Variants in MGAT5 observed in about 807,000 individuals in gnomAD.
The protein encoded by MGAT5 is alpha-1,6-mannosylglycoprotein 6-beta-N-acetylglucosaminyltransferase.
A neutral mutation model predicts 94.3 loss-of-function variants in MGAT5; 30 were observed. The observed-to-expected ratio is 0.32, with a 90% CI of 0.24 to 0.43. The LOEUF (loss-of-function observed/expected upper bound fraction) is 0.43, where lower values mean the gene tolerates loss of function less well. Ranked by LOEUF, MGAT5 falls within the 20% of genes least tolerant of loss-of-function variation. The probability of loss-of-function intolerance (pLI) is 1.00; values close to 1 mark genes in which losing one functional copy is unlikely to be tolerated. For synonymous variants in MGAT5, 310 were observed against 322.9 expected, an observed-to-expected ratio of 0.96 and a Z score of 0.43; for missense variants, 691 against 905.5, an observed-to-expected ratio of 0.76 and a Z score of 3.04.
At chr2:134,241,308 G>C (rs1348937900) in intron 1 of MGAT5, among the ~76,000 whole-genome samples, 1 of 152,208 alleles carries the variant, frequency 6.6e-6, no homozygotes, top group African/African-American at 2.4e-5. Flanking sequence ...TGGGAAATGG[G>C]GTGAACATTC....
chr2:134,141,716 T>G (rs781073870), intron 1 of MGAT5, among the ~76,000 whole-genome samples: 1 of 151,906 alleles, frequency 6.6e-6, no homozygotes, highest in Non-Finnish European at 1.5e-5. Flanking sequence ...TATGCGGAAT[T>G]TGGAAGAATG....
At chr2:134,349,169 G>C (rs1193906382) in intron 8 of MGAT5, among the ~76,000 whole-genome samples, 2 of 152,166 alleles carry the variant, frequency 1.3e-5, no homozygotes, top group Admixed American at 1.3e-4. Context: ...CGGTAGACCA[G>C]ATTTGGCCCT....
intron 10 of MGAT5, among the ~76,000 whole-genome samples, chr2:134,363,230 T>G (rs1297417435): frequency 6.6e-6 from 1 of 152,222 alleles, no homozygotes; most frequent in Non-Finnish European, 1.5e-5. Context: ...GATCACAGAC[T>G]GTGGTCTCAT....
intron 2 of MGAT5, among the ~76,000 whole-genome samples, chr2:134,304,746 C>A (rs1335974474): frequency 6.6e-6 from 1 of 152,110 alleles, no homozygotes; most frequent in Admixed American, 6.6e-5. Context: ...GTAAGATAGC[C>A]TGATTTTTTG....
chr2:134,402,914 T>A (rs1408622149), intron 10 of MGAT5, 74 bp from the exon 11 acceptor site: 2 of 1,436,146 alleles, frequency 1.4e-6, no homozygotes, highest in African/African-American at 1.4e-5. Context: ...GTCTTAGAAG[T>A]TCTAGTCCAT....
intron 4 of MGAT5, among the ~76,000 whole-genome samples, chr2:134,320,324 T>C (rs1327375503): frequency 6.6e-6 from 1 of 152,174 alleles, no homozygotes; most frequent in East Asian, 1.9e-4. Context: ...TCCCTAAATC[T>C]GAGCATCATT....
At chr2:134,265,308 C>G (rs1053778415) in intron 1 of MGAT5, among the ~76,000 whole-genome samples, 1 of 152,204 alleles carries the variant, frequency 6.6e-6, no homozygotes, top group Admixed American at 6.5e-5. Flanking sequence ...CTCCTTTTTA[C>G]TGAGATCCCA....
rs978291660 is a variant in MGAT5, at chr2:134,268,161, T to C, written c.242-2225T>C. ...AGAATTACCCGGCCCAAAGTGTCAG[T>C]AGTGCCGAGGTTGAGAAATCCTGAG... On this transcript the variant is annotated intron_variant, in intron 1 of 15. Coordinates refer to ENST00000281923, the MANE Select transcript of MGAT5 (RefSeq NM_002410.5). The surrounding 1 kb of genome is among the most constrained non-coding windows in gnomAD (Gnocchi z 4.1). Among the ~76,000 whole-genome samples, 1 of 152,294 alleles carries C rather than the reference T, an allele frequency of 6.6e-6. No homozygotes were observed. The highest frequency in any genetic ancestry group is 2.4e-5 in the African/African-American group (1 of 41,568).
intron 4 of MGAT5, among the ~76,000 whole-genome samples, chr2:134,335,548 C>G (rs1258011580): frequency 1.3e-5 from 2 of 152,042 alleles, no homozygotes; most frequent in South Asian, 2.1e-4. Context: ...AATTTCTAAA[C>G]CTTATTCATT....
At chr2:134,447,042 T>C (rs967282966) in intron 15 of MGAT5, among the ~76,000 whole-genome samples, 4 of 152,138 alleles carry the variant, frequency 2.6e-5, no homozygotes, top group African/African-American at 7.2e-5. Context: ...GGAGAGAAAA[T>C]GATGCTTTAC....
chr2:134,352,154 A>C (rs569146269), intron 9 of MGAT5, among the ~76,000 whole-genome samples: 294 of 152,294 alleles, frequency 1.9e-3, no homozygotes, highest in African/African-American at 6.6e-3. Context: ...AGGATCTAGC[A>C]AAACCGCCTC....
intron 1 of MGAT5, among the ~76,000 whole-genome samples, chr2:134,157,762 AGACAGT>A (rs1169179188): frequency 2.4e-4 from 37 of 151,912 alleles, no homozygotes; most frequent in South Asian, 1.5e-3. Flanking sequence ...GGGTGATGGG[AGACAGT>A]GACAGATCAT....
intron 1 of MGAT5, among the ~76,000 whole-genome samples, chr2:134,123,313 C>G (rs1249979798): frequency 6.6e-6 from 1 of 152,162 alleles, no homozygotes; most frequent in Non-Finnish European, 1.5e-5. Flanking sequence ...TTCCATGTGT[C>G]TCAGGATCTA....
At chr2:134,207,576 T>TA (rs200009308) in intron 1 of MGAT5, among the ~76,000 whole-genome samples, 46,943 of 142,370 alleles carry the variant, frequency 0.33, 8,318 homozygotes, top group African/African-American at 0.51. Flanking sequence ...ACTGAAAGGT[T>TA]AAAAAAAAAA....
At position 134,451,215 on chromosome 2, in the gene MGAT5, A is replaced by G. The variant is rs1437905154; in HGVS notation, c.*2368A>G. ...CTGTCCCTAAGTTCAAGGCCTCCCTACCTTCCCCTTCTTTTCCAAGTCACA... is the reference window on the plus strand; with the variant it reads ...CTGTCCCTAAGTTCAAGGCCTCCCTGCCTTCCCCTTCTTTTCCAAGTCACA... On this transcript the variant is annotated 3_prime_UTR_variant, in exon 16 of 16. Coordinates refer to ENST00000281923, the MANE Select transcript of MGAT5 (RefSeq NM_002410.5). 6.6e-6 allele frequency: 1 copy of G among 152,136 alleles called. No individual in the cohort carries two copies. The highest frequency in any genetic ancestry group is 2.4e-5 in the African/African-American group (1 of 41,404). The allele number at this position is 152,136 out of a possible 1,614,324, so 9.4% of individuals were successfully genotyped here.
At chr2:134,218,371 A>G (rs1456489121) in intron 1 of MGAT5, among the ~76,000 whole-genome samples, 2 of 152,186 alleles carry the variant, frequency 1.3e-5, no homozygotes, top group Non-Finnish European at 2.9e-5. Flanking sequence ...CCAAAACTTA[A>G]TGGCTTAAAA....
chr2:134,419,446 G>GTGTGTGTGTT (rs1393234080), intron 12 of MGAT5, among the ~76,000 whole-genome samples: 2 of 98,180 alleles, frequency 2.0e-5, no homozygotes, highest in African/African-American at 3.9e-5. Flanking sequence ...CAGGGTTTGT[G>GTGTGTGTGTT]TGTGTGTGTG....
intron 1 of MGAT5, among the ~76,000 whole-genome samples, chr2:134,248,081 T>C (rs577931588): frequency 6.6e-6 from 1 of 152,240 alleles, no homozygotes; most frequent in Admixed American, 6.5e-5. Context: ...TCACATCCAC[T>C]TTAGTTTAAC....
At chr2:134,394,563 G>C (rs1328245649) in intron 10 of MGAT5, among the ~76,000 whole-genome samples, 2 of 152,140 alleles carry the variant, frequency 1.3e-5, no homozygotes, top group East Asian at 3.9e-4. Context: ...TTGTTACCAA[G>C]AAATACACTA....
Sources: gnomAD v4.1 joint callset for allele counts (sites outside exome capture counted in the v4.1 genomes callset) on GRCh38, gnomAD v4.1.1 for gene constraint, Gnocchi (gnomAD v3.1) non-coding constraint, MANE v1.5 for transcripts, NCBI Gene and HGNC (gene_info 2026-07-23, HGNC 2026-07-21) for gene names.